Variants in RELN observed in about 807,000 individuals in gnomAD.
RELN encodes the protein reelin.
A neutral mutation model predicts 427.6 loss-of-function variants in RELN; 108 were observed. The observed-to-expected ratio is 0.25, with a 90% confidence interval of 0.22 to 0.30. The LOEUF (loss-of-function observed/expected upper bound fraction) is 0.30. RELN is among the 10% of genes least tolerant of loss of function. The pLI is 1.00. For missense variants in RELN, 3,715 were observed against 4,302.8 expected, an observed-to-expected ratio of 0.86 and a Z score of 3.82; for synonymous variants, 1,524 against 1,513.4, an observed-to-expected ratio of 1.01 and a Z score of -0.16.
At chr7:103,909,402 C>T (rs1427937048) in intron 2 of RELN, among the ~76,000 whole-genome samples, 1 of 151,314 alleles carries the variant, frequency 6.6e-6, no homozygotes, top group Non-Finnish European at 1.5e-5. Flanking sequence ...ACCATAAAAT[C>T]TAAAATTACT....
intron 8 of RELN, among the ~76,000 whole-genome samples, chr7:103,721,224 CCCTT>C (rs1323801518): frequency 2.0e-5 from 3 of 150,212 alleles, no homozygotes; most frequent in Non-Finnish European, 4.4e-5. Flanking sequence ...CCTCCTTCCA[CCCTT>C]CCTTCATTTT....
chr7:103,749,644 T>C, intron 5 of RELN, 140 bp from the exon 6 acceptor site: 1 of 694,728 alleles, frequency 1.4e-6, no homozygotes. Context: ...TTATATTTGC[T>C]TTGTCCCTCA....
intron 7 of RELN, among the ~76,000 whole-genome samples, chr7:103,726,320 T>C (rs887466260): frequency 6.6e-5 from 10 of 152,164 alleles, no homozygotes; most frequent in African/African-American, 2.2e-4. Flanking sequence ...ATTCTCAATC[T>C]GTTTCATTTT....
chr7:103,705,559 T>C (rs1834181249), intron 8 of RELN, among the ~76,000 whole-genome samples: 1 of 152,244 alleles, frequency 6.6e-6, no homozygotes, highest in Non-Finnish European at 1.5e-5. Context: ...ATGAATTCAA[T>C]GCTTATTAGC....
At position 103,816,914 on chromosome 7, in the gene RELN, C is replaced by T. The variant is rs373617436; in HGVS notation, c.473+16623G>A. On this transcript the variant is annotated intron_variant, in intron 3 of 64. Transcript: ENST00000428762. ...ATGCCCAGGCTGGAGTGCAATGACGCGATCTTGGCTCACTGCAACCTCCAC... is the reference window on the plus strand; with the variant it reads ...ATGCCCAGGCTGGAGTGCAATGACGTGATCTTGGCTCACTGCAACCTCCAC... 1.6e-4 allele frequency among the ~76,000 whole-genome samples: 25 copies of T among 152,060 alleles called. No individual in the cohort carries two copies. In the South Asian group the frequency reaches 3.9e-3, roughly 24 times the overall value.
chr7:103,498,072 C>T lies in RELN; in HGVS notation c.8843+5G>A. Reference sequence around the variant, plus strand: ...ATAGAAATAACTAACAAAAAATTCACTTACTTTGCACCTCGAAGATCCAAA... The same window carrying T: ...ATAGAAATAACTAACAAAAAATTCATTTACTTTGCACCTCGAAGATCCAAA... On this transcript the variant is annotated splice_donor_5th_base_variant and intron_variant, in intron 54 of 64. Transcript: ENST00000428762. 6.2e-7 allele frequency: 1 copy of T among 1,613,966 alleles called. No individual in the cohort carries two copies. The highest frequency in any genetic ancestry group is 1.1e-5 in the South Asian group (1 of 91,080).
intron 46 of RELN, among the ~76,000 whole-genome samples, chr7:103,533,300 C>G (rs1447534814): frequency 6.6e-6 from 1 of 152,202 alleles, no homozygotes; most frequent in Non-Finnish European, 1.5e-5. Context: ...TCAATTCTGG[C>G]CTGCTTAATA....
chr7:103,718,178 T>C (rs2115882509), intron 8 of RELN, among the ~76,000 whole-genome samples: 1 of 152,214 alleles, frequency 6.6e-6, no homozygotes, highest in African/African-American at 2.4e-5. Flanking sequence ...ACAGAGTGGC[T>C]CTCATTCATC....
chr7:103,561,463 G>A (rs1830639321), intron 36 of RELN, 69 bp downstream of exon 36: 2 of 1,162,162 alleles, frequency 1.7e-6, no homozygotes, highest in Non-Finnish European at 2.6e-6. Context: ...ATCCATTTGT[G>A]TTGAGCAGTG....
chr7:103,772,004 G>C (rs2237635), intron 4 of RELN, among the ~76,000 whole-genome samples: 71,826 of 151,940 alleles, frequency 0.47, 18,051 homozygotes, highest in African/African-American at 0.65. Context: ...TGCAGAATGC[G>C]TAAGTCCCTG....
At chr7:103,985,063 A>G (rs1797068576) in intron 1 of RELN, among the ~76,000 whole-genome samples, 1 of 152,210 alleles carries the variant, frequency 6.6e-6, no homozygotes, top group Non-Finnish European at 1.5e-5. Flanking sequence ...AAGTGCCCTC[A>G]ATACTCTATC....
intron 2 of RELN, among the ~76,000 whole-genome samples, chr7:103,902,451 T>C (rs1378990452): frequency 6.6e-6 from 1 of 152,094 alleles, no homozygotes. Flanking sequence ...AGAGGAACTT[T>C]TCTGAAAGAG....
At chr7:103,567,822 G>A (rs1830794656) in intron 31 of RELN, among the ~76,000 whole-genome samples, 2 of 150,770 alleles carry the variant, frequency 1.3e-5, no homozygotes, top group African/African-American at 2.4e-5. Context: ...TTGAGACAGG[G>A]TCTCACTCTG....
chr7:103,948,965 C>T (rs1277355706), intron 1 of RELN, among the ~76,000 whole-genome samples: 1 of 145,508 alleles, frequency 6.9e-6, no homozygotes, highest in Non-Finnish European at 1.5e-5. Context: ...CAATGAGCCT[C>T]GGCCCTTGAT....
At chr7:103,721,309 A>T (rs1011850203) in intron 8 of RELN, among the ~76,000 whole-genome samples, 2 of 149,262 alleles carry the variant, frequency 1.3e-5, no homozygotes, top group Non-Finnish European at 3.0e-5. Flanking sequence ...TTCCAGCAGG[A>T]TTCAAATCCG....
At chr7:103,661,890 A>G (rs1187324672) in intron 11 of RELN, among the ~76,000 whole-genome samples, 1 of 152,206 alleles carries the variant, frequency 6.6e-6, no homozygotes. Context: ...GTGAATTATA[A>G]AAGACAGACT....
intron 1 of RELN, among the ~76,000 whole-genome samples, chr7:103,981,837 T>C (rs1333506377): frequency 6.6e-6 from 1 of 152,250 alleles, no homozygotes; most frequent in Non-Finnish European, 1.5e-5. Context: ...CTGAGTCTTT[T>C]ATAAAATATT....
At chr7:103,708,609 G>A (rs907983678) in intron 8 of RELN, among the ~76,000 whole-genome samples, 5 of 151,562 alleles carry the variant, frequency 3.3e-5, no homozygotes, top group African/African-American at 7.3e-5. Flanking sequence ...GACTACAGGC[G>A]CCCGCCAACA....
chr7:103,577,296 T>G (rs1156588375), intron 28 of RELN, among the ~76,000 whole-genome samples: 1 of 152,188 alleles, frequency 6.6e-6, no homozygotes, highest in East Asian at 1.9e-4. Flanking sequence ...AACCATAACC[T>G]TGGCTTTTTT....
Sources: allele counts gnomAD v4.1 joint callset (sites outside exome capture counted in the v4.1 genomes callset), GRCh38; gene constraint gnomAD v4.1.1; transcripts MANE v1.5; gene names NCBI Gene and HGNC (gene_info 2026-07-23, HGNC 2026-07-21).